The following NOX3 variants were observed in gnomAD, a reference collection of about 807,000 sequenced individuals.
The protein encoded by NOX3 is NADPH oxidase catalytic subunit-like 3.
NOX3 carries 74 observed loss-of-function variants against 76.7 expected under a neutral mutation model. The ratio of observed to expected loss-of-function variants is 0.96; its 90% CI spans 0.80 to 1.17. The LOEUF is 1.17. Ranked by LOEUF, NOX3 falls within the 50% of genes most tolerant of loss-of-function variation. NOX3 has a pLI of 0.00. For synonymous variants in NOX3, 263 were observed against 261.1 expected (o/e 1.01, Z -0.07); for missense variants, 695 against 703.3 (o/e 0.99, Z 0.13).
rs1287706499 is a variant in NOX3, at chr6:155,407,178, C to T, written c.1532G>A (p.Arg511Lys). The T allele has an allele frequency of 1.2e-6, 2 of 1,613,892 alleles. No homozygotes were observed. Among genetic ancestry groups the T allele is most frequent in the South Asian group, 1.1e-5 (1 of 91,082 alleles). The change falls in exon 12 of 14, where the codon AGG becomes AAG. Residue 511 changes from arginine to lysine, a missense_variant. Physicochemically the swap from Arg to Lys is conservative, Grantham distance 26. Coordinates refer to ENST00000159060, the MANE Select transcript of NOX3 (RefSeq NM_015718.3). Reference sequence around the variant, plus strand: ...CTTGAACTCATTGTTCCAGTTGGGCCTCCCATAGAAGGTCTTCTGCTTTAA... The same window carrying T: ...CTTGAACTCATTGTTCCAGTTGGGCTTCCCATAGAAGGTCTTCTGCTTTAA... The part of the protein sequence containing the change: ...TGLKQKTFYG[R>K]PNWNNEFKQI...
Position 155,430,949 on chromosome 6 carries a change from C to CAGAG in NOX3, c.799-18_799-15dup. ...CCATTTCCAAGCCTGAAGAGAGTAG[C>CAGAG]AGAGAGAGAGAGAAAAAGGAAATGA... On this transcript the variant is annotated splice_polypyrimidine_tract_variant and intron_variant, in intron 7 of 13. Coordinates refer to ENST00000159060, the MANE Select transcript of NOX3 (RefSeq NM_015718.3). 1 of 1,458,666 alleles carries CAGAG rather than the reference C, an allele frequency of 6.9e-7. No homozygotes were observed. The highest frequency in any genetic ancestry group is 9.6e-7 in the Non-Finnish European group (1 of 1,046,720). 90.4% of individuals were successfully genotyped at this position (1,458,666 alleles called of 1,614,324 possible). A position where few individuals can be genotyped will look rare whatever the true frequency, so the allele number is the denominator to read the frequency against.
intron 4 of NOX3, among the ~76,000 whole-genome samples, chr6:155,450,922 T>A (rs1416757552): frequency 3.3e-5 from 5 of 152,154 alleles, no homozygotes. Flanking sequence ...AATAACCCTG[T>A]ATTCTGCAAA....
In NOX3 at chr6:155,453,520, G is replaced by T. The variant is rs758644768; in HGVS notation, c.256-32C>A. The T allele has an allele frequency of 9.3e-6, 14 of 1,506,108 alleles. No homozygotes were observed. In the Admixed American group the frequency reaches 2.3e-4, roughly 25 times the overall value. 93.3% of individuals were successfully genotyped at this position (1,506,108 alleles called of 1,614,324 possible). On this transcript the variant is annotated intron_variant, in intron 3 of 13. Coordinates refer to ENST00000159060, the MANE Select transcript of NOX3 (RefSeq NM_015718.3). Reference sequence around the variant, plus strand: ...TAACAAAAAAATATGCCTGATTTATGGAAAAATTGCAGTGAAAACAATCTC... The same window carrying T: ...TAACAAAAAAATATGCCTGATTTATTGAAAAATTGCAGTGAAAACAATCTC...
At chr6:155,434,416 A>C (rs1467439028) in intron 7 of NOX3, among the ~76,000 whole-genome samples, 3 of 152,186 alleles carry the variant, frequency 2.0e-5, no homozygotes, top group Non-Finnish European at 4.4e-5. Flanking sequence ...TTGTCAGTGC[A>C]TTTGGGCTGG....
chr6:155,415,669 G>A (rs1287016464), intron 10 of NOX3, among the ~76,000 whole-genome samples: 5 of 152,206 alleles, frequency 3.3e-5, no homozygotes, highest in Admixed American at 3.3e-4. Context: ...AATAACTTGT[G>A]CAACTGGGCA....
intron 10 of NOX3, among the ~76,000 whole-genome samples, chr6:155,418,458 G>T (rs1194569180): frequency 2.6e-5 from 4 of 152,112 alleles, no homozygotes; most frequent in African/African-American, 9.7e-5. Flanking sequence ...CTTCTGCGTT[G>T]AAAATATTTC....
chr6:155,442,907 T>A lies in NOX3; in HGVS notation c.486+366A>T, dbSNP rs1448951688. ...GACATCCAATTTATAATCTCTGTGTTTAGCTGGCACTTCACCTTCTTTATG... is the reference window on the plus strand; with the variant it reads ...GACATCCAATTTATAATCTCTGTGTATAGCTGGCACTTCACCTTCTTTATG... On this transcript the variant is annotated intron_variant, in intron 5 of 13. Transcript: ENST00000159060. Among the ~76,000 whole-genome samples, 3 of 152,234 alleles carry A rather than the reference T, an allele frequency of 2.0e-5. No individual in the cohort carries two copies. In the East Asian group the frequency reaches 5.8e-4, roughly 29 times the overall value.
In NOX3 at chr6:155,435,869, A is replaced by G. The variant is rs1363351523; in HGVS notation, c.798+549T>C. Among the ~76,000 whole-genome samples the G allele has an allele frequency of 2.0e-5, 3 of 152,368 alleles. No homozygotes were observed. In the South Asian group the frequency reaches 6.2e-4, roughly 32 times the overall value. On this transcript the variant is annotated intron_variant, in intron 7 of 13. Transcript: ENST00000159060. ...TATCATCTACACAAATTAATTAAGT[A>G]TCTTCTTGGCTAACATCATCATTAT...
intron 10 of NOX3, among the ~76,000 whole-genome samples, chr6:155,421,632 C>T (rs544697539): frequency 7.2e-5 from 11 of 152,254 alleles, no homozygotes; most frequent in South Asian, 2.1e-4. Flanking sequence ...GGTGCGATCA[C>T]GGCTCACTGC....
At chr6:155,412,760 C>T (rs74932845) in intron 10 of NOX3, among the ~76,000 whole-genome samples, 4,154 of 152,272 alleles carry the variant, frequency 0.027, 118 homozygotes, top group African/African-American at 0.06. Context: ...TTCATCCATC[C>T]GTTCACTGAT....
intron 9 of NOX3, 151 bp from the exon 10 acceptor site, chr6:155,423,007 C>T (rs1389175165): frequency 2.8e-6 from 2 of 725,408 alleles, no homozygotes; most frequent in East Asian, 2.7e-5. Flanking sequence ...TTTGGAGAGC[C>T]TGGGGTTAGC....
Position 155,411,357 on chromosome 6 carries a change from A to C in NOX3, c.1312T>G (p.Tyr438Asp). 1 of 1,613,024 alleles carries C rather than the reference A, an allele frequency of 6.2e-7. No homozygotes were observed. Among genetic ancestry groups the C allele is most frequent in the Non-Finnish European group, 8.5e-7 (1 of 1,179,472 alleles). Reference sequence around the variant, plus strand: ...GCATCCCGGCAAATCCAGTAGAAATACACCTGTCAAGAGAGAAGGCAAGTG... The same window carrying C: ...GCATCCCGGCAAATCCAGTAGAAATCCACCTGTCAAGAGAGAAGGCAAGTG... Reference protein sequence around the residue: ...AQTPLKLSKVYFYWICRDARA... With the variant: ...AQTPLKLSKVDFYWICRDARA... The change falls in exon 11 of 14, where the codon TAT becomes GAT. Residue 438 changes from tyrosine to aspartate, a missense_variant. Coordinates refer to ENST00000159060, the MANE Select transcript of NOX3 (RefSeq NM_015718.3).
intron 13 of NOX3, among the ~76,000 whole-genome samples, chr6:155,395,800 T>TA (rs986500519): frequency 3.3e-5 from 5 of 151,940 alleles, no homozygotes; most frequent in East Asian, 1.9e-4. Flanking sequence ...CAATGGGAAT[T>TA]AAAAAAAATC....
intron 6 of NOX3, among the ~76,000 whole-genome samples, chr6:155,439,553 G>A (rs975130492): frequency 2.6e-5 from 4 of 152,154 alleles, no homozygotes; most frequent in Admixed American, 6.5e-5. Flanking sequence ...GTCCCTGCCC[G>A]AACAGTGGGT....
chr6:155,400,385 A>AG (rs1249427930), intron 12 of NOX3, among the ~76,000 whole-genome samples: 7 of 152,226 alleles, frequency 4.6e-5, no homozygotes, highest in Non-Finnish European at 7.3e-5. Flanking sequence ...CCCTATTTAA[A>AG]AAAAAGCAAA....
chr6:155,425,188 C>T (rs1776741285), intron 9 of NOX3, among the ~76,000 whole-genome samples: 2 of 152,264 alleles, frequency 1.3e-5, no homozygotes, highest in South Asian at 4.1e-4. Context: ...AAGCACATTC[C>T]AGATCTTTTT....
At chr6:155,408,860 GA>G (rs2114679174) in intron 11 of NOX3, among the ~76,000 whole-genome samples, 1 of 150,928 alleles carries the variant, frequency 6.6e-6, no homozygotes, top group South Asian at 2.1e-4. Context: ...AACAAAAAAC[GA>G]AATACTCTAT....
At chr6:155,419,652 G>A (rs990294329) in intron 10 of NOX3, among the ~76,000 whole-genome samples, 2 of 151,990 alleles carry the variant, frequency 1.3e-5, no homozygotes, top group Non-Finnish European at 2.9e-5. Context: ...AGAGATCAAT[G>A]TCCCTATTTT....
chr6:155,396,701 G>A, intron 13 of NOX3, 108 bp downstream of exon 13: 1 of 757,798 alleles, frequency 1.3e-6, no homozygotes, highest in Non-Finnish European at 2.0e-6. Context: ...GCAGAGTTCA[G>A]TAGTTGAGAG....
Sources: allele counts gnomAD v4.1 joint callset (sites outside exome capture counted in the v4.1 genomes callset), GRCh38; gene constraint gnomAD v4.1.1; transcripts MANE v1.5; gene names NCBI Gene and HGNC (gene_info 2026-07-23, HGNC 2026-07-21).